Variants in TUB observed in about 807,000 individuals in gnomAD.
TUB encodes the protein tubby protein homolog.
TUB carries 33 observed loss-of-function variants against 59.7 expected under a neutral mutation model. That is an observed-to-expected ratio of 0.55 (90% CI 0.42 to 0.74). The LOEUF is 0.74. Ranked by LOEUF, TUB falls within the 30% of genes least tolerant of loss-of-function variation. The pLI is 0.00. For missense variants in TUB, 659 were observed against 672.0 expected (o/e 0.98, Z 0.21); for synonymous variants, 293 against 256.4 (o/e 1.14, Z -1.36).
chr11:8,076,646 A>G (rs1338699182), upstream of TUB: 2 of 152,174 alleles, frequency 1.3e-5, no homozygotes, highest in Non-Finnish European at 2.9e-5. Flanking sequence ...CACACAGAGG[A>G]GCACCTGGCA....
At chr11:8,060,964 C>T (rs944997890) in intron 2 of TUB, among the ~76,000 whole-genome samples, 2 of 152,196 alleles carry the variant, frequency 1.3e-5, no homozygotes, top group Admixed American at 1.3e-4. Context: ...TGCCTAGCTG[C>T]GGGTGATTTC....
chr11:8,032,797 G>A (rs1422089053), intron 1 of TUB, among the ~76,000 whole-genome samples: 1 of 152,138 alleles, frequency 6.6e-6, no homozygotes, highest in Non-Finnish European at 1.5e-5. Context: ...AAATGACTGG[G>A]GCAACAATTT....
intron 1 of TUB, chr11:8,039,042 A>C: frequency 6.2e-7 from 1 of 1,610,956 alleles, no homozygotes; most frequent in Non-Finnish European, 8.5e-7. Context: ...AGCTTTCAAC[A>C]TCCTGCCTTT....
rs189618128 is a variant in TUB at position 8,085,078 on chromosome 11, C to T, written c.38+3530C>T. The stretch of plus-strand genomic sequence containing the variant: ...TTGTAGGGAGTAGTGGGACTCCTGA[C>T]GCCTTCCGTTCTGCTGCTAGGTTCG... On this transcript the variant is annotated intron_variant, in intron 1 of 11. Coordinates refer to ENST00000299506, the MANE Select transcript of TUB (RefSeq NM_177972.3). Among the ~76,000 whole-genome samples the T allele has an allele frequency of 2.2e-3, 330 of 152,302 alleles. 1 individual carries two copies. Among genetic ancestry groups the T allele is most frequent in the Middle Eastern group, 6.8e-3 (2 of 294 alleles).
chr11:8,022,655 C>G (rs902197352), intron 1 of TUB, among the ~76,000 whole-genome samples: 2 of 152,146 alleles, frequency 1.3e-5, no homozygotes, highest in African/African-American at 4.8e-5. Flanking sequence ...TTTATGAGGC[C>G]AAGGCGGGCG....
At chr11:8,083,484 TGGCCC>T (rs1943609422) in intron 1 of TUB, among the ~76,000 whole-genome samples, 1 of 152,112 alleles carries the variant, frequency 6.6e-6, no homozygotes, top group African/African-American at 2.4e-5. Flanking sequence ...CTGGGAAAGG[TGGCCC>T]AGGAAGGTAG....
intron 1 of TUB, chr11:8,039,104 C>T (rs543001852): frequency 3.2e-6 from 5 of 1,553,006 alleles, no homozygotes; most frequent in African/African-American, 1.4e-5. Context: ...CCTCACTGAC[C>T]TCAACCCTTT....
At position 8,047,055 on chromosome 11, in the gene TUB, G is replaced by C. The variant is rs182823256; in HGVS notation, c.203+7363G>C. On this transcript the variant is annotated intron_variant, in intron 2 of 12. Transcript: ENST00000305253. ...AAGCTTGCTCTAAAGCTTTAGCACA[G>C]AGCACTGCATTCTTAGTGGAGACAA... Among the ~76,000 whole-genome samples the C allele has an allele frequency of 2.8e-3, 432 of 152,322 alleles. 3 individuals carry two copies. Among genetic ancestry groups the C allele is most frequent in the African/African-American group, 1.0e-2 (415 of 41,566 alleles).
Position 8,094,128 on chromosome 11 carries a change from G to A in TUB, c.336G>A (p.Ala112=), listed in dbSNP as rs182640954. The A allele has an allele frequency of 5.3e-5, 85 of 1,614,148 alleles. No homozygotes were observed. The highest frequency in any genetic ancestry group is 1.3e-4 in the East Asian group (6 of 44,876). The part of the protein sequence containing the change: ...TAPASAKRTK[A]AATAGGQGGA... ...CAGCTTCAGCCAAGAGAACCAAGGCGGCAGCTACAGCAGGGGGCCAGGGTG... is the reference window on the plus strand; with the variant it reads ...CAGCTTCAGCCAAGAGAACCAAGGCAGCAGCTACAGCAGGGGGCCAGGGTG... The change falls in exon 4 of 12, where the codon GCG becomes GCA. Residue 112 remains alanine (A), a synonymous_variant. Coordinates refer to ENST00000299506, the MANE Select transcript of TUB (RefSeq NM_177972.3).
rs1412103113 is a variant in TUB at position 8,102,526 on chromosome 11, A to C, written c.*907A>C. 2.0e-5 allele frequency: 3 copies of C among 152,244 alleles called. No individual in the cohort carries two copies. The highest frequency in any genetic ancestry group is 7.2e-5 in the African/African-American group (3 of 41,446). The allele number at this position is 152,244 out of a possible 1,614,324, so 9.4% of individuals were successfully genotyped here. A position where few individuals can be genotyped will look rare whatever the true frequency, so the allele number is the denominator to read the frequency against. On this transcript the variant is annotated 3_prime_UTR_variant, in exon 12 of 12. Coordinates refer to ENST00000299506, the MANE Select transcript of TUB (RefSeq NM_177972.3). ...GTCCAGGTCACCAGCCTGACTGCAC[A>C]CAGCTAGGCATGCCTGGGAATCCTG...
At chr11:8,023,488 G>A (rs140662675) in intron 1 of TUB, among the ~76,000 whole-genome samples, 161 of 152,236 alleles carry the variant, frequency 1.1e-3, no homozygotes, top group African/African-American at 3.7e-3. Context: ...GCTACACCCT[G>A]GTCTCAGTTA....
intron 4 of TUB, 103 bp from the exon 5 acceptor site, chr11:8,095,395 G>A (rs1943940378): frequency 7.9e-7 from 1 of 1,271,740 alleles, no homozygotes; most frequent in African/African-American, 1.5e-5. Flanking sequence ...AAGTTTTGCA[G>A]AGGGTTTCCC....
intron 2 of TUB, among the ~76,000 whole-genome samples, chr11:8,043,152 A>T (rs1246621038): frequency 6.6e-6 from 1 of 152,116 alleles, no homozygotes; most frequent in African/African-American, 2.4e-5. Context: ...TTGAATATGG[A>T]TATTCAGTTG....
intron 2 of TUB, among the ~76,000 whole-genome samples, chr11:8,074,071 G>A (rs767316344): frequency 6.6e-5 from 10 of 150,568 alleles, no homozygotes; most frequent in Non-Finnish European, 1.2e-4. Context: ...CTCGTAAGGC[G>A]TTACTATATA....
In TUB at chr11:8,056,982, A is replaced by T. The variant is rs868407869; in HGVS notation, c.203+17290A>T. Among the ~76,000 whole-genome samples, 6 of 152,256 alleles carry T rather than the reference A, an allele frequency of 3.9e-5. No individual in the cohort carries two copies. In the South Asian group the frequency reaches 1.2e-3, roughly 32 times the overall value. On this transcript the variant is annotated intron_variant, in intron 2 of 12. Coordinates refer to the TUB transcript ENST00000305253. ...ACCATTTTCCCCCTCAAAGTTGAGG[A>T]AACTGAGGCCCACAGAGTGGAAACA...
upstream of TUB, chr11:8,038,521 A>G: frequency 1.2e-6 from 1 of 849,734 alleles, no homozygotes; most frequent in Non-Finnish European, 1.5e-6. Flanking sequence ...TCCGCAGTGC[A>G]CTTGTCTCTG....
Position 8,102,012 on chromosome 11 carries a change from C to A in TUB, c.*393C>A, listed in dbSNP as rs748109054. 3.3e-5 allele frequency: 7 copies of A among 213,020 alleles called. No homozygotes were observed. Among genetic ancestry groups the A allele is most frequent in the Non-Finnish European group, 5.6e-5 (6 of 106,458 alleles). 13.2% of individuals were successfully genotyped at this position (213,020 alleles called of 1,614,324 possible). On this transcript the variant is annotated 3_prime_UTR_variant, in exon 12 of 12. Coordinates refer to ENST00000299506, the MANE Select transcript of TUB (RefSeq NM_177972.3). ...GCTGTGGCCCAGTCGTCCGCTCAGC[C>A]AAGGAGTCAGATGGCAATGGGTACT...
At chr11:8,084,912 C>G (rs546777654) in intron 1 of TUB, among the ~76,000 whole-genome samples, 36 of 152,266 alleles carry the variant, frequency 2.4e-4, no homozygotes, top group African/African-American at 8.2e-4. Context: ...TGTGGATGCT[C>G]CCTGTAGCAT....
chr11:8,098,145 A>G (rs969703484), intron 8 of TUB, among the ~76,000 whole-genome samples: 4 of 151,922 alleles, frequency 2.6e-5, no homozygotes, highest in African/African-American at 9.7e-5. Flanking sequence ...TCCATGGTCA[A>G]TGCCAAGGGA....
Sources: gnomAD v4.1 joint callset for allele counts (sites outside exome capture counted in the v4.1 genomes callset) on GRCh38, gnomAD v4.1.1 for gene constraint, MANE v1.5 for transcripts, NCBI Gene and HGNC (gene_info 2026-07-23, HGNC 2026-07-21) for gene names.